Variants in MX2 observed in about 807,000 individuals in gnomAD.
MX2 encodes MX dynamin like GTPase 2.
Under a neutral mutation model 74.0 loss-of-function variants are expected in MX2, and 51 were observed. The observed-to-expected ratio is 0.69, with a 90% CI of 0.55 to 0.87. The LOEUF (loss-of-function observed/expected upper bound fraction) is 0.87. Among genes scored for constraint, MX2 ranks in the 40% least tolerant of loss-of-function variants. The pLI is 0.00. For synonymous variants in MX2, 369 were observed against 339.3 expected (o/e 1.09, Z -0.96); for missense variants, 832 against 908.7 (o/e 0.92, Z 1.09).
chr21:41,392,350 C>A (rs923005479), intron 6 of MX2, among the ~76,000 whole-genome samples: 2 of 152,214 alleles, frequency 1.3e-5, no homozygotes, highest in African/African-American at 4.8e-5. Context: ...GAGGGAAATT[C>A]TGAAGCACAC....
At position 41,408,160 on chromosome 21, in the gene MX2, T is replaced by C; in HGVS notation, c.2075T>C (p.Leu692Pro). Residue 692 changes from leucine to proline, a missense_variant, in exon 14 of 14, where the codon CTT becomes CCT. Physicochemically the swap from Leu to Pro is moderately conservative, Grantham distance 98. Transcript: ENST00000330714. ...QSETATKRRI[L>P]KERIYRLTQA... The stretch of plus-strand genomic sequence containing the variant: ...GAGACCGCTACCAAGAGAAGAATCC[T>C]TAAGGAGAGAATTTACCGGCTCACT... The C allele has an allele frequency of 6.2e-7, 1 of 1,614,200 alleles. No individual in the cohort carries two copies. The highest frequency in any genetic ancestry group is 8.5e-7 in the Non-Finnish European group (1 of 1,180,032).
intron 12 of MX2, chr21:41,404,259 T>G (rs1316699274): frequency 6.5e-6 from 1 of 153,436 alleles, no homozygotes; most frequent in African/African-American, 2.4e-5. Context: ...CACCAGGGAC[T>G]GCGGGGCTCT....
At position 41,380,847 on chromosome 21, in the gene MX2, C is replaced by T. The variant is rs1290731268; in HGVS notation, c.577+696C>T. On this transcript the variant is annotated intron_variant, in intron 4 of 13. Coordinates refer to ENST00000330714, the MANE Select transcript of MX2 (RefSeq NM_002463.2). This position sits in a 1 kb window ranked among gnomAD's most constrained non-coding sequence, Gnocchi z 4.3. Reference sequence around the variant, plus strand: ...GCCCTGCCTGCCCCAGGCACTGGAGCCTCTCAACCTCCCTAAAGGCTTCTC... The same window carrying T: ...GCCCTGCCTGCCCCAGGCACTGGAGTCTCTCAACCTCCCTAAAGGCTTCTC... Among the ~76,000 whole-genome samples, 1 of 152,212 alleles carries T rather than the reference C, an allele frequency of 6.6e-6. No homozygotes were observed. Among genetic ancestry groups the T allele is most frequent in the Admixed American group, 6.5e-5 (1 of 15,282 alleles).
intron 12 of MX2, among the ~76,000 whole-genome samples, chr21:41,406,380 C>T (rs2089886926): frequency 6.6e-6 from 1 of 152,210 alleles, no homozygotes; most frequent in Admixed American, 6.5e-5. Context: ...TGTTCGTCAG[C>T]ACTGGAACCA....
Position 41,399,318 on chromosome 21 carries a change from T to A in MX2, c.1395T>A (p.Leu465=). The part of the protein sequence containing the change: ...REDFKNWVGI[L]ATNTQKVKNI... The stretch of plus-strand genomic sequence containing the variant: ...ATTTTAAAAACTGGGTAGGCATACT[T>A]GCAACTAATACCCAAAAAGGTAAGT... Residue 465 remains leucine, a synonymous_variant, in exon 10 of 14, where the codon CTT becomes CTA. Coordinates refer to ENST00000330714, the MANE Select transcript of MX2 (RefSeq NM_002463.2). The A allele has an allele frequency of 6.2e-7, 1 of 1,614,030 alleles. No individual in the cohort carries two copies. Among genetic ancestry groups the A allele is most frequent in the South Asian group, 1.1e-5 (1 of 91,082 alleles).
intron 6 of MX2, among the ~76,000 whole-genome samples, chr21:41,393,110 C>CAAAAAAAAAAAAAAAAAAAAAAAAA (rs373955778): frequency 3.5e-4 from 21 of 60,030 alleles, no homozygotes; most frequent in Non-Finnish European, 4.2e-4. Context: ...CTCAAAAAAG[C>CAAAAAAAAAAAAAAAAAAAAAAAAA]AAAAAAAAAA....
intron 1 of MX2, among the ~76,000 whole-genome samples, chr21:41,373,551 C>G (rs1228981345): frequency 6.6e-6 from 1 of 152,150 alleles, no homozygotes; most frequent in African/African-American, 2.4e-5. Context: ...GCTCTGTCCA[C>G]AGATCTTCCT....
intron 5 of MX2, chr21:41,390,124 G>A: frequency 6.3e-6 from 1 of 158,756 alleles, no homozygotes; most frequent in East Asian, 1.8e-4. Context: ...CTGAGCACCT[G>A]CTGCCTGGGC....
At chr21:41,393,438 C>T (rs1431163545) in intron 6 of MX2, among the ~76,000 whole-genome samples, 5 of 152,148 alleles carry the variant, frequency 3.3e-5, no homozygotes, top group African/African-American at 7.2e-5. Flanking sequence ...GTCCTTGCCT[C>T]TCCTTTCTCA....
rs762946008 is a variant in MX2, at chr21:41,406,892, T to C, written c.1799T>C (p.Leu600Pro). The C allele has an allele frequency of 1.9e-6, 3 of 1,614,238 alleles. No individual in the cohort carries two copies. The highest frequency in any genetic ancestry group is 2.2e-5 in the South Asian group (2 of 91,082). ...KKVREEIFNP[L>P]GTPSQNMKLN... ...GTCCGAGAAGAGATTTTTAACCCTC[T>C]GGGGACGCCTTCACAGAATATGAAG... is the stretch of plus-strand genomic sequence containing the variant. The change falls in exon 13 of 14, where the codon CTG (leucine) becomes CCG (proline). Residue 600 changes from leucine to proline, a missense_variant. Transcript: ENST00000330714.
rs575855465 is a variant in MX2, at chr21:41,408,967, G to C, written c.*734G>C. The C allele has an allele frequency of 3.2e-4, 49 of 152,420 alleles. No individual in the cohort carries two copies. The highest frequency in any genetic ancestry group is 1.1e-3 in the African/African-American group (47 of 41,588). The allele number at this position is 152,420 out of a possible 1,614,324, so 9.4% of individuals were successfully genotyped here. A position where few individuals can be genotyped will look rare whatever the true frequency, so the allele number is the denominator to read the frequency against. ...TAGCCAGGTTCAGTGACTCATACCT[G>C]TAATCCCAGTGACTCTGGAGACTGA... On this transcript the variant is annotated 3_prime_UTR_variant, in exon 14 of 14. Coordinates refer to ENST00000330714, the MANE Select transcript of MX2 (RefSeq NM_002463.2).
chr21:41,399,092 T>A, intron 9 of MX2, 73 bp downstream of exon 9: 1 of 1,595,614 alleles, frequency 6.3e-7, no homozygotes, highest in Non-Finnish European at 8.6e-7. Context: ...CTTCCCCTTC[T>A]TCACCCATGA....
At chr21:41,367,887 C>T (rs1291755564) in intron 1 of MX2, among the ~76,000 whole-genome samples, 1 of 152,170 alleles carries the variant, frequency 6.6e-6, no homozygotes. Context: ...TGGATTCTGA[C>T]CTCACCCTGT....
At chr21:41,378,010 C>T in intron 3 of MX2, 29 bp downstream of exon 3, 2 of 1,599,902 alleles carry the variant, frequency 1.3e-6, no homozygotes, top group Non-Finnish European at 1.7e-6. Flanking sequence ...CTTCCCTCCG[C>T]AGCAAGCAGC....
In MX2 at chr21:41,388,939, C is replaced by G. The variant is rs879644247; in HGVS notation, c.733-1626C>G. Among the ~76,000 whole-genome samples, 1 of 152,124 alleles carries G rather than the reference C, an allele frequency of 6.6e-6. No homozygotes were observed. Among genetic ancestry groups the G allele is most frequent in the Non-Finnish European group, 1.5e-5 (1 of 68,034 alleles). On this transcript the variant is annotated intron_variant, in intron 5 of 13. Transcript: ENST00000330714. The surrounding 1 kb of genome is among the most constrained non-coding windows in gnomAD (Gnocchi z 4.0). ...GGTAAAGGCCACAGAGTCTGCTGGA[C>G]AGCTTACAATGCCTAGGATGGCCAC...
chr21:41,396,778 C>G lies in MX2; in HGVS notation c.1071-835C>G, dbSNP rs151256229. On this transcript the variant is annotated intron_variant, in intron 7 of 13. Coordinates refer to ENST00000330714, the MANE Select transcript of MX2 (RefSeq NM_002463.2). ...GACATGAGGAGAAGAAAACTCTCCTCCTTGAGCTGGGAGAAGATTTCAAAA... is the reference window on the plus strand; with the variant it reads ...GACATGAGGAGAAGAAAACTCTCCTGCTTGAGCTGGGAGAAGATTTCAAAA... 1.8e-3 allele frequency among the ~76,000 whole-genome samples: 272 copies of G among 152,292 alleles called. 2 individuals carry two copies. Among genetic ancestry groups the G allele is most frequent in the African/African-American group, 6.2e-3 (256 of 41,554 alleles).
chr21:41,379,297 C>G (rs1322236781), intron 3 of MX2, among the ~76,000 whole-genome samples: 1 of 152,194 alleles, frequency 6.6e-6, no homozygotes, highest in East Asian at 1.9e-4. Flanking sequence ...GGGACAATAC[C>G]TCCCTATAGG....
intron 10 of MX2, 82 bp downstream of exon 10, chr21:41,399,419 C>T: frequency 6.9e-6 from 10 of 1,454,964 alleles, no homozygotes; most frequent in Non-Finnish European, 9.4e-6. Context: ...GATAAGTGTG[C>T]CAAGAGTGGA....
chr21:41,394,916 C>T (rs1457017395), intron 6 of MX2, among the ~76,000 whole-genome samples: 2 of 139,458 alleles, frequency 1.4e-5, no homozygotes, highest in East Asian at 2.1e-4. Flanking sequence ...GGCAACAGAG[C>T]GAGACTCCAT....
Sources: gnomAD v4.1 joint callset for allele counts (sites outside exome capture counted in the v4.1 genomes callset) on GRCh38, gnomAD v4.1.1 for gene constraint, Gnocchi (gnomAD v3.1) non-coding constraint, MANE v1.5 for transcripts, NCBI Gene and HGNC (gene_info 2026-07-23, HGNC 2026-07-21) for gene names.